Variants in FYB1 observed in about 807,000 individuals in gnomAD.
FYB1 encodes FYN-binding protein 1.
FYB1 carries 41 observed loss-of-function variants against 94.1 expected under a neutral mutation model. That is an observed-to-expected ratio of 0.44 (90% CI 0.34 to 0.57). FYB1 has a LOEUF of 0.57. Ranked by LOEUF, FYB1 falls within the 20% of genes least tolerant of loss-of-function variation. FYB1 has a pLI of 0.02. For missense variants in FYB1, 1,050 were observed against 976.8 expected (o/e 1.07, Z -1.00); for synonymous variants, 367 against 353.2 (o/e 1.04, Z -0.44).
Position 39,118,950 on chromosome 5 carries a change from T to C in FYB1, c.2325A>G (p.Val775=). The part of the protein sequence containing the change: ...SKKWGTRDLQ[V]KPGESLEVIQ... ...TAACTTCTAGAGATTCACCAGGTTT[T>C]ACCTGTAGATCTCTGGTTCCCCACT... Residue 775 remains valine, a synonymous_variant, in exon 16 of 19, where the codon GTA becomes GTG. Transcript: ENST00000512982. 1 of 1,576,472 alleles carries C rather than the reference T, an allele frequency of 6.3e-7. No individual in the cohort carries two copies. Among genetic ancestry groups the C allele is most frequent in the Non-Finnish European group, 8.7e-7 (1 of 1,155,550 alleles).
chr5:39,170,796 C>T (rs1006013966), intron 2 of FYB1, among the ~76,000 whole-genome samples: 1 of 152,130 alleles, frequency 6.6e-6, no homozygotes, highest in African/African-American at 2.4e-5. Flanking sequence ...TTGGTCAGTG[C>T]CTACTGCTCC....
chr5:39,202,837 G>A lies in FYB1; in HGVS notation c.124C>T (p.Gln42Ter). The A allele has an allele frequency of 6.2e-7, 1 of 1,613,988 alleles. No homozygotes were observed. The highest frequency in any genetic ancestry group is 8.5e-7 in the Non-Finnish European group (1 of 1,179,882). ...IQARKNLFNN[Q>*]GNASPPAGPS... ...CCTGCAGGAGGGCTGGCATTTCCTTGGTTGTTGAATAAGTTCTTTCTTGCT... is the reference window on the plus strand; with the variant it reads ...CCTGCAGGAGGGCTGGCATTTCCTTAGTTGTTGAATAAGTTCTTTCTTGCT... The change falls in exon 2 of 19, where the codon CAA becomes TAA. Residue 42 changes from glutamine to a stop codon, truncating the protein, a stop_gained. Coordinates refer to ENST00000512982, the MANE Select transcript of FYB1 (RefSeq NM_001465.6). LOFTEE classifies it high-confidence loss of function.
At chr5:39,135,718 A>G (rs1158052769) in intron 7 of FYB1, among the ~76,000 whole-genome samples, 2 of 152,226 alleles carry the variant, frequency 1.3e-5, no homozygotes, top group Non-Finnish European at 2.9e-5. Context: ...TGATGGCATT[A>G]ATTATAAACA....
At chr5:39,225,116 T>C (rs1579733403) in intron 1 of FYB1, among the ~76,000 whole-genome samples, 3 of 152,298 alleles carry the variant, frequency 2.0e-5, no homozygotes, top group South Asian at 4.1e-4. Context: ...TTTTCTGCCA[T>C]GCAGAAGAGT....
chr5:39,250,943 C>G (rs919767345), intron 1 of FYB1: 5 of 152,096 alleles, frequency 3.3e-5, no homozygotes, highest in African/African-American at 9.7e-5. Context: ...AATAAAGAAA[C>G]CAAATATTAA....
At chr5:39,268,491 C>CA (rs917482851) in intron 1 of FYB1, among the ~76,000 whole-genome samples, 1 of 151,984 alleles carries the variant, frequency 6.6e-6, no homozygotes, top group African/African-American at 2.4e-5. Context: ...TTTGACCTCC[C>CA]AAAAAATTGG....
At chr5:39,122,928 T>G (rs1402067015) in intron 13 of FYB1, among the ~76,000 whole-genome samples, 1 of 152,176 alleles carries the variant, frequency 6.6e-6, no homozygotes, top group African/African-American at 2.4e-5. Flanking sequence ...CACCTTTAAA[T>G]GGAAAGATTA....
chr5:39,137,594 C>T lies in FYB1; in HGVS notation c.1515+6G>A, dbSNP rs533668538. 360 of 1,541,094 alleles carry T rather than the reference C, an allele frequency of 2.3e-4. 6 individuals are homozygous for T. The South Asian group carries it at 3.6e-3, about 15-fold the overall frequency. On this transcript the variant is annotated splice_donor_region_variant and intron_variant, in intron 7 of 18. Coordinates refer to ENST00000512982, the MANE Select transcript of FYB1 (RefSeq NM_001465.6). ...TTCTTTCACTCATTAGCAAGCAAGC[C>T]CTTACTTTAAATTTCTTCTTTATTT...
chr5:39,203,576 G>A (rs1479335502), intron 1 of FYB1, among the ~76,000 whole-genome samples: 2 of 152,056 alleles, frequency 1.3e-5, no homozygotes, highest in African/African-American at 4.8e-5. Context: ...ATTTTTATAA[G>A]TAAGTAATAA....
intron 10 of FYB1, among the ~76,000 whole-genome samples, chr5:39,128,656 C>G (rs970358586): frequency 3.9e-5 from 6 of 152,230 alleles, no homozygotes; most frequent in Non-Finnish European, 8.8e-5. Flanking sequence ...CTGTAACAAA[C>G]TTAAAAGAAA....
At chr5:39,147,488 C>A (rs113133713) in intron 3 of FYB1, among the ~76,000 whole-genome samples, 1 of 68,724 alleles carries the variant, frequency 1.5e-5, no homozygotes, top group Admixed American at 1.5e-4. Context: ...GTGTGTGTGT[C>A]TGTGTGTGTG....
chr5:39,200,097 G>C (rs902654739), intron 2 of FYB1, among the ~76,000 whole-genome samples: 1 of 152,190 alleles, frequency 6.6e-6, no homozygotes. Flanking sequence ...TTTAAAATGT[G>C]AACTGTGGCA....
chr5:39,152,986 T>C (rs1743377907), intron 3 of FYB1, among the ~76,000 whole-genome samples: 1 of 152,204 alleles, frequency 6.6e-6, no homozygotes, highest in South Asian at 2.1e-4. Context: ...TTCCATTTCC[T>C]CATCTGTGAA....
chr5:39,190,222 A>G (rs769440106), intron 2 of FYB1, among the ~76,000 whole-genome samples: 24 of 152,238 alleles, frequency 1.6e-4, no homozygotes, highest in Non-Finnish European at 2.9e-4. Context: ...TGTGGGTTTC[A>G]CTGACCGAAA....
At chr5:39,113,111 C>T (rs531833743) in intron 16 of FYB1, among the ~76,000 whole-genome samples, 2 of 152,140 alleles carry the variant, frequency 1.3e-5, no homozygotes, top group Admixed American at 6.6e-5. Flanking sequence ...AAGCGTGATT[C>T]GTGACAGTGT....
intron 1 of FYB1, among the ~76,000 whole-genome samples, chr5:39,207,195 T>A (rs1748937995): frequency 6.6e-6 from 1 of 152,194 alleles, no homozygotes; most frequent in African/African-American, 2.4e-5. Flanking sequence ...CATTTGCAAT[T>A]TCTTTTCCAA....
chr5:39,160,941 C>T (rs1744189218), intron 2 of FYB1, among the ~76,000 whole-genome samples: 1 of 152,128 alleles, frequency 6.6e-6, no homozygotes, highest in African/African-American at 2.4e-5. Context: ...AAATGACATG[C>T]TAATTGCCAC....
chr5:39,229,941 C>T (rs761239922), intron 1 of FYB1, among the ~76,000 whole-genome samples: 5 of 152,022 alleles, frequency 3.3e-5, no homozygotes, highest in Non-Finnish European at 7.4e-5. Flanking sequence ...GAGTGAGGTG[C>T]CTGGGCATCT....
intron 1 of FYB1, chr5:39,270,598 G>A (rs1265633188): frequency 2.0e-6 from 3 of 1,534,450 alleles, no homozygotes; most frequent in East Asian, 4.9e-5. Flanking sequence ...TGATATGCCT[G>A]GCACACAATG....
Sources: allele counts gnomAD v4.1 joint callset (sites outside exome capture counted in the v4.1 genomes callset), GRCh38; gene constraint gnomAD v4.1.1; transcripts MANE v1.5; gene names NCBI Gene and HGNC (gene_info 2026-07-23, HGNC 2026-07-21).